Variants in NFIC observed in about 807,000 individuals in gnomAD.
NFIC encodes the protein nuclear factor 1 C-type.
A neutral mutation model predicts 54.4 loss-of-function variants in NFIC; 12 were observed. The observed-to-expected ratio is 0.22, with a 90% CI of 0.14 to 0.36. The LOEUF (loss-of-function observed/expected upper bound fraction) is 0.36, where lower values mean the gene tolerates loss of function less well. Ranked by LOEUF, NFIC falls within the 10% of genes least tolerant of loss-of-function variation. NFIC has a pLI of 1.00. For synonymous variants in NFIC, 322 were observed against 319.2 expected (o/e 1.01, Z -0.09); for missense variants, 575 against 718.2 (o/e 0.80, Z 2.28).
upstream of NFIC, among the ~76,000 whole-genome samples, chr19:3,362,287 T>C (rs7254873): frequency 1 from 151,879 of 152,244 alleles, 75,757 homozygotes; most frequent in Middle Eastern, 1. Flanking sequence ...CAAGTGCCCA[T>C]GTGTTTGTGG....
intron 2 of NFIC, among the ~76,000 whole-genome samples, chr19:3,401,143 G>A (rs1475965053): frequency 1.3e-5 from 2 of 152,236 alleles, no homozygotes; most frequent in Non-Finnish European, 2.9e-5. Context: ...GCAGCAGAGT[G>A]AGGAGAGGAA....
At chr19:3,412,886 GGAATAAA>G (rs1191490710) in intron 2 of NFIC, among the ~76,000 whole-genome samples, 1 of 152,166 alleles carries the variant, frequency 6.6e-6, no homozygotes, top group African/African-American at 2.4e-5. Context: ...GGGTTCTGCT[GGAATAAA>G]GAACAGAGGA....
At chr19:3,451,205 C>T (rs1417073333) in intron 7 of NFIC, among the ~76,000 whole-genome samples, 1 of 152,186 alleles carries the variant, frequency 6.6e-6, no homozygotes, top group Non-Finnish European at 1.5e-5. Context: ...ACAAAAAGGC[C>T]ACACAGCATG....
chr19:3,366,546 T>TGGGGGGGGGGGGGGGGGGGGGGGGG, upstream of NFIC: 1 of 316,916 alleles, frequency 3.2e-6, no homozygotes, highest in Non-Finnish European at 4.5e-6. Flanking sequence ...GGGGGGGGGG[T>TGGGGGGGGGGGGGGGGGGGGGGGGG]TGGGGGGGGC....
chr19:3,378,874 G>C (rs572555926), intron 1 of NFIC, among the ~76,000 whole-genome samples: 1 of 152,116 alleles, frequency 6.6e-6, no homozygotes, highest in East Asian at 1.9e-4. Flanking sequence ...GACTCCACCC[G>C]GGATTTCTCC....
chr19:3,403,666 C>T (rs1002833382), intron 2 of NFIC, among the ~76,000 whole-genome samples: 2 of 152,248 alleles, frequency 1.3e-5, no homozygotes, highest in African/African-American at 2.4e-5. Context: ...CTCCCCTGGG[C>T]GCCTGCCCGG....
intron 6 of NFIC, among the ~76,000 whole-genome samples, chr19:3,438,425 G>A (rs773799133): frequency 7.0e-6 from 1 of 143,154 alleles, no homozygotes; most frequent in Non-Finnish European, 1.5e-5. Flanking sequence ...CCTCCTGAGG[G>A]TTTCTTTTTT....
upstream of NFIC, chr19:3,366,484 G>A: frequency 1.9e-6 from 1 of 515,976 alleles, no homozygotes; most frequent in Non-Finnish European, 3.3e-6. Flanking sequence ...GGAGGGAGGA[G>A]GAGGGAGACC....
In NFIC at chr19:3,458,027, C is replaced by T. The variant is rs939596180; in HGVS notation, c.1509+1392C>T. The T allele has an allele frequency of 3.9e-5, 6 of 152,356 alleles. No homozygotes were observed. The highest frequency in any genetic ancestry group is 8.8e-5 in the Non-Finnish European group (6 of 68,134). The allele number at this position is 152,356 out of a possible 1,614,324, so 9.4% of individuals were successfully genotyped here. A position where few individuals can be genotyped will look rare whatever the true frequency, so the allele number is the denominator to read the frequency against. ...GTGCTGGCTCACCCACTCTGAACCTCTGTCTCTTCCTCTGGCCTTGGGCAC... is the reference window on the plus strand; with the variant it reads ...GTGCTGGCTCACCCACTCTGAACCTTTGTCTCTTCCTCTGGCCTTGGGCAC... On this transcript the variant is annotated intron_variant, in intron 10 of 10. Coordinates refer to ENST00000443272, the MANE Select transcript of NFIC (RefSeq NM_001245002.2). The surrounding 1 kb of genome is among the most constrained non-coding windows in gnomAD (Gnocchi z 4.1).
At chr19:3,454,023 C>T in intron 9 of NFIC, 107 bp downstream of exon 9, 1 of 1,388,968 alleles carries the variant, frequency 7.2e-7, no homozygotes, top group South Asian at 1.6e-5. Context: ...CCCTGCAGGG[C>T]CTGGCGAGTT....
chr19:3,398,119 C>T (rs893357590), intron 2 of NFIC, among the ~76,000 whole-genome samples: 7 of 152,146 alleles, frequency 4.6e-5, no homozygotes, highest in Non-Finnish European at 7.4e-5. Flanking sequence ...CCTGCTGTTT[C>T]AGCCCAGCAT....
rs1459122165 is a variant in NFIC at position 3,366,601 on chromosome 19, G to GCTCCGGCCGGCCCTGCGC, written c.-31_-14dup. On this transcript the variant is annotated 5_prime_UTR_variant, in exon 1 of 11. Transcript: ENST00000443272. ...ATGACTCAGTAAGTTCAGCGCGCCCGCTCCGGCCGGCCCTGCGCCTCCCGC... is the reference window on the plus strand; with the variant it reads ...ATGACTCAGTAAGTTCAGCGCGCCCGCTCCGGCCGGCCCTGCGCCTCCGGCCGGCCCTGCGCCTCCCGC... 5 of 1,420,222 alleles carry GCTCCGGCCGGCCCTGCGC rather than the reference G, an allele frequency of 3.5e-6. No individual in the cohort carries two copies. The African/African-American group carries it at 7.6e-5, about 21-fold the overall frequency. The allele number at this position is 1,420,222 out of a possible 1,614,324, so 88.0% of individuals were successfully genotyped here.
At chr19:3,434,031 G>T (rs1281657480) in intron 4 of NFIC, among the ~76,000 whole-genome samples, 2 of 152,150 alleles carry the variant, frequency 1.3e-5, no homozygotes, top group Non-Finnish European at 2.9e-5. Flanking sequence ...TCCCTGTCCA[G>T]ATCAGCAGAG....
intron 3 of NFIC, among the ~76,000 whole-genome samples, chr19:3,432,367 A>T (rs1376375763): frequency 6.6e-6 from 1 of 152,114 alleles, no homozygotes; most frequent in Non-Finnish European, 1.5e-5. Flanking sequence ...GCTCTGGTCT[A>T]GGCACGAAGG....
intron 2 of NFIC, among the ~76,000 whole-genome samples, chr19:3,391,461 G>A (rs1242164131): frequency 1.3e-5 from 2 of 152,040 alleles, no homozygotes; most frequent in Non-Finnish European, 2.9e-5. Context: ...GACCAGCCCA[G>A]CCAACATGGT....
In NFIC at chr19:3,467,758, C is replaced by CATATATATATATATATATATATATAT. The variant is rs551667735; in HGVS notation, c.*4995_*5020dup. The CATATATATATATATATATATATATAT allele has an allele frequency of 1.1e-3, 74 of 69,618 alleles. 2 individuals carry two copies. The highest frequency in any genetic ancestry group is 4.6e-3 in the East Asian group (6 of 1,298). The allele number at this position is 69,618 out of a possible 1,614,324, so 4.3% of individuals were successfully genotyped here. A position where few individuals can be genotyped will look rare whatever the true frequency, so the allele number is the denominator to read the frequency against. On this transcript the variant is annotated 3_prime_UTR_variant, in exon 11 of 11. Transcript: ENST00000443272. ...ACCTCCAGTGTAGGGCTATACTATA[C>CATATATATATATATATATATATATAT]ATATATATATATATATATATATATA...
intron 2 of NFIC, among the ~76,000 whole-genome samples, chr19:3,417,050 ATT>A (rs71164695): frequency 0.025 from 3,770 of 150,380 alleles, 67 homozygotes; most frequent in Non-Finnish European, 0.04. Context: ...GGCCCAGCTA[ATT>A]TTTTTTGTAT....
At chr19:3,398,296 C>T (rs2081497558) in intron 2 of NFIC, among the ~76,000 whole-genome samples, 1 of 152,160 alleles carries the variant, frequency 6.6e-6, no homozygotes, top group Admixed American at 6.5e-5. Context: ...TGAAACACTG[C>T]CAAGTGTCAC....
chr19:3,441,518 A>G (rs2082293415), intron 6 of NFIC, among the ~76,000 whole-genome samples: 2 of 152,350 alleles, frequency 1.3e-5, no homozygotes, highest in South Asian at 2.1e-4. Context: ...TGTGGCCTGC[A>G]TCGGTAAACA....
Sources: allele counts gnomAD v4.1 joint callset (sites outside exome capture counted in the v4.1 genomes callset), GRCh38; gene constraint gnomAD v4.1.1; non-coding constraint Gnocchi (gnomAD v3.1); transcripts MANE v1.5; gene names NCBI Gene and HGNC (gene_info 2026-07-23, HGNC 2026-07-21).